Variants in ABCC12 observed in about 807,000 individuals in gnomAD.
ABCC12 encodes ATP binding cassette subfamily C member 12.
A neutral mutation model predicts 151.1 loss-of-function variants in ABCC12; 142 were observed. The ratio of observed to expected loss-of-function variants is 0.94; its 90% confidence interval spans 0.82 to 1.08. The LOEUF is 1.08. Ranked by LOEUF, ABCC12 falls within the 50% of genes least tolerant of loss-of-function variation. The pLI, the probability that ABCC12 is intolerant of heterozygous loss-of-function variation, is 0.00. For missense variants in ABCC12, 1,638 were observed against 1,691.1 expected (o/e 0.97, Z 0.55); for synonymous variants, 645 against 646.4 (o/e 1.00, Z 0.03).
chr16:48,108,473 T>A lies in ABCC12; in HGVS notation c.2338A>T (p.Lys780Ter), dbSNP rs1567448714. 2 of 1,614,234 alleles carry A rather than the reference T, an allele frequency of 1.2e-6. No individual in the cohort carries two copies. Among genetic ancestry groups the A allele is most frequent in the Non-Finnish European group, 1.7e-6 (2 of 1,180,034 alleles). ...ESPQEGTVTW[K>*]TYHTYIKASG... ...GCCTTAATGTACGTGTGATATGTTTTCCAGGTCACGGTTCCTTCCTGGGGG... is the reference window on the plus strand; with the variant it reads ...GCCTTAATGTACGTGTGATATGTTTACCAGGTCACGGTTCCTTCCTGGGGG... Residue 780 changes from lysine (K) to a stop codon, truncating the protein, a stop_gained, in exon 19 of 31, where the codon AAA (lysine) becomes TAA (stop). Transcript: ENST00000311303. LOFTEE classifies it high-confidence loss of function.
At chr16:48,102,376 C>T (rs964512201) in intron 22 of ABCC12, among the ~76,000 whole-genome samples, 21 of 152,194 alleles carry the variant, frequency 1.4e-4, no homozygotes, top group Non-Finnish European at 2.6e-4. Context: ...GCTTTGAGCC[C>T]CTATGCTCAG....
intron 4 of ABCC12, among the ~76,000 whole-genome samples, chr16:48,141,622 A>G (rs1964819692): frequency 6.6e-6 from 1 of 152,204 alleles, no homozygotes; most frequent in Non-Finnish European, 1.5e-5. Flanking sequence ...CATCTCTGCC[A>G]CAGTGTCAGC....
chr16:48,109,524 G>A (rs373316075), intron 18 of ABCC12, among the ~76,000 whole-genome samples: 2 of 152,204 alleles, frequency 1.3e-5, no homozygotes, highest in South Asian at 2.1e-4. Context: ...GAGATAAATA[G>A]AGTTAGAAGA....
intron 5 of ABCC12, 72 bp from the exon 6 acceptor site, chr16:48,140,992 T>C: frequency 6.8e-7 from 1 of 1,480,070 alleles, no homozygotes; most frequent in Non-Finnish European, 9.3e-7. Flanking sequence ...CCTCAGATCA[T>C]GCCAGCAAGC....
chr16:48,134,520 T>C (rs924750792), intron 8 of ABCC12, among the ~76,000 whole-genome samples: 1 of 152,144 alleles, frequency 6.6e-6, no homozygotes, highest in Admixed American at 6.5e-5. Context: ...TGGACCCCCA[T>C]CCAATTGATC....
chr16:48,124,543 G>GT (rs1964178463), intron 11 of ABCC12, among the ~76,000 whole-genome samples: 1 of 152,216 alleles, frequency 6.6e-6, no homozygotes, highest in Non-Finnish European at 1.5e-5. Flanking sequence ...TAGAAATCAC[G>GT]TAAGATCACT....
chr16:48,087,942 A>G lies in ABCC12; in HGVS notation c.3619T>C (p.Phe1207Leu). ...LTVIPQDPVLFVGTVRYNLDP... is the reference protein window; with the variant it reads ...LTVIPQDPVLLVGTVRYNLDP... ...AACAGCTACCTTACTGTACCTACAA[A>G]CAGGACAGGATCCTGTGGGATCACA... The change falls in exon 27 of 31, where the codon TTT becomes CTT. Residue 1207 changes from phenylalanine to leucine, a missense_variant. Coordinates refer to ENST00000311303, the MANE Select transcript of ABCC12 (RefSeq NM_001393797.1). 6 of 1,613,088 alleles carry G rather than the reference A, an allele frequency of 3.7e-6. No homozygotes were observed. The South Asian group carries it at 4.4e-5, about 12-fold the overall frequency.
chr16:48,117,075 G>A (rs553219985), intron 14 of ABCC12, among the ~76,000 whole-genome samples, 186 bp downstream of exon 14: 92 of 152,332 alleles, frequency 6.0e-4, no homozygotes, highest in East Asian at 4.1e-3. Context: ...TTGGTGCCAC[G>A]TCCACTATGA....
chr16:48,153,510 C>T (rs538975051), intron 2 of ABCC12, 106 bp downstream of exon 2: 9 of 152,222 alleles, frequency 5.9e-5, no homozygotes, highest in East Asian at 1.9e-4. Context: ...TTGTCATTTC[C>T]GACAACTCAC....
chr16:48,104,265 T>C lies in ABCC12; in HGVS notation c.2777A>G (p.His926Arg). 1 of 1,614,254 alleles carries C rather than the reference T, an allele frequency of 6.2e-7. No individual in the cohort carries two copies. Among genetic ancestry groups the C allele is most frequent in the Non-Finnish European group, 8.5e-7 (1 of 1,180,046 alleles). The change falls in exon 22 of 31, where the codon CAC becomes CGC. Residue 926 changes from histidine (H) to arginine (R), a missense_variant. His to Arg is a conservative substitution (Grantham distance 29). Coordinates refer to ENST00000311303, the MANE Select transcript of ABCC12 (RefSeq NM_001393797.1). ...MDELDVRLPF[H>R]AENFLQQFFM... ...AAACTGCTGCAGAAAGTTCTCTGCG[T>C]GAAACGGCAGCCTCACATCCAGCTC...
chr16:48,118,978 G>A (rs1055945369), intron 13 of ABCC12, among the ~76,000 whole-genome samples: 3 of 152,230 alleles, frequency 2.0e-5, no homozygotes, highest in Non-Finnish European at 4.4e-5. Flanking sequence ...TTCTCCATCA[G>A]TGGGGGCTAT....
intron 26 of ABCC12, 144 bp from the exon 27 acceptor site, chr16:48,088,229 G>A (rs1425925590): frequency 2.4e-5 from 25 of 1,040,456 alleles, no homozygotes; most frequent in Non-Finnish European, 3.2e-5. Flanking sequence ...CCTCACCAGG[G>A]TGGGGGTGGA....
At chr16:48,118,403 C>T (rs1295406659) in intron 13 of ABCC12, among the ~76,000 whole-genome samples, 1 of 152,230 alleles carries the variant, frequency 6.6e-6, no homozygotes, top group African/African-American at 2.4e-5. Context: ...GCTCAGGATG[C>T]CTGCAGTGCC....
chr16:48,124,601 G>A (rs1597317046), intron 11 of ABCC12, among the ~76,000 whole-genome samples: 1 of 152,376 alleles, frequency 6.6e-6, no homozygotes, highest in East Asian at 1.9e-4. Context: ...GCCTTGAACA[G>A]GAAGGCTATT....
In ABCC12 at chr16:48,111,615, C is replaced by T; in HGVS notation, c.2172G>A (p.Glu724=). 1 of 1,614,180 alleles carries T rather than the reference C, an allele frequency of 6.2e-7. No individual in the cohort carries two copies. The highest frequency in any genetic ancestry group is 8.5e-7 in the Non-Finnish European group (1 of 1,180,034). The stretch of plus-strand genomic sequence containing the variant: ...CATCTTCCTCTCTCTCAGCAGGGCT[C>T]TCCTTGAAGGCTTCCACCATTGCTG... The part of the protein sequence containing the change: ...YNAAMVEAFK[E]SPAEREEDAG... Residue 724 remains glutamate (E), a synonymous_variant, in exon 17 of 31, where the codon GAG becomes GAA. Transcript: ENST00000311303.
chr16:48,086,893 T>C, intron 27 of ABCC12, 74 bp from the exon 28 acceptor site: 3 of 1,282,414 alleles, frequency 2.3e-6, no homozygotes, highest in Non-Finnish European at 3.4e-6. Flanking sequence ...GCAGGTTTTC[T>C]GTAGCATGTG....
Position 48,128,727 on chromosome 16 carries a change from A to T in ABCC12, c.1247T>A (p.Ile416Lys). 1.9e-6 allele frequency: 3 copies of T among 1,612,342 alleles called. No individual in the cohort carries two copies. Among genetic ancestry groups the T allele is most frequent in the Non-Finnish European group, 2.5e-6 (3 of 1,179,580 alleles). ...GATGTAAGATGGGGGGCTTTTATCT[A>T]TGAGAATTTTCTAAGATTAAAGAGA... Reference protein sequence around the residue: ...VSLRRMKKILIDKSPPSYITQ... With the variant: ...VSLRRMKKILKDKSPPSYITQ... The change falls in exon 11 of 31, where the codon ATA (isoleucine) becomes AAA (lysine). Residue 416 changes from isoleucine to lysine, a missense_variant. Transcript: ENST00000311303.
rs903863254 is a variant in ABCC12 at position 48,108,656 on chromosome 16, C to T, written c.2282-127G>A. The stretch of plus-strand genomic sequence containing the variant: ...CTGTGATGCATCCTTCCACTCGTCC[C>T]ATGCTCTCAAATGCACTTCCAACAC... On this transcript the variant is annotated intron_variant, in intron 18 of 30. Transcript: ENST00000311303. 23 of 680,612 alleles carry T rather than the reference C, an allele frequency of 3.4e-5. No individual in the cohort carries two copies. The Admixed American group carries it at 3.4e-4, about 10-fold the overall frequency. 42.2% of individuals were successfully genotyped at this position (680,612 alleles called of 1,614,324 possible).
intron 6 of ABCC12, 143 bp from the exon 7 acceptor site, chr16:48,139,479 T>C: frequency 1.3e-6 from 1 of 798,284 alleles, no homozygotes; most frequent in Non-Finnish European, 1.9e-6. Flanking sequence ...CGGGGACCAA[T>C]ATGATGAGTT....
Sources: allele counts gnomAD v4.1 joint callset (sites outside exome capture counted in the v4.1 genomes callset), GRCh38; gene constraint gnomAD v4.1.1; transcripts MANE v1.5; gene names NCBI Gene and HGNC (gene_info 2026-07-23, HGNC 2026-07-21).